The following USP47 variants were observed in gnomAD, a reference collection of about 807,000 sequenced individuals.
USP47 encodes the protein ubiquitin specific peptidase 47.
USP47 carries 35 observed loss-of-function variants against 165.1 expected under a neutral mutation model. That is an observed-to-expected ratio of 0.21 (90% CI 0.16 to 0.28). The LOEUF (loss-of-function observed/expected upper bound fraction) is 0.28. USP47 is among the 10% of genes least tolerant of loss of function. USP47 has a pLI of 1.00. For synonymous variants in USP47, 531 were observed against 544.5 expected (o/e 0.98, Z 0.35); for missense variants, 1,277 against 1,607.4 (o/e 0.79, Z 3.52).
intron 1 of USP47, among the ~76,000 whole-genome samples, chr11:11,854,256 T>A (rs1564851298): frequency 6.8e-6 from 1 of 147,306 alleles, no homozygotes; most frequent in African/African-American, 2.4e-5. Flanking sequence ...TTTGAAAAAT[T>A]CTGCTTCTTT....
chr11:11,906,227 G>T (rs1245915590), intron 8 of USP47, among the ~76,000 whole-genome samples: 1 of 152,000 alleles, frequency 6.6e-6, no homozygotes, highest in Non-Finnish European at 1.5e-5. Flanking sequence ...GAAAATAATG[G>T]AAAGACTTAA....
chr11:11,913,671 T>C (rs1853189958), intron 8 of USP47, among the ~76,000 whole-genome samples: 1 of 151,956 alleles, frequency 6.6e-6, no homozygotes, highest in African/African-American at 2.4e-5. Flanking sequence ...AAACATACAG[T>C]TAGATAGAAT....
chr11:11,925,393 G>A lies in USP47; in HGVS notation c.1386+2502G>A, dbSNP rs142691297. ...ACTGGGATTACAGGCGTGAGCCACC[G>A]CACCCGGCCTCCTTAATGTTTTATG... On this transcript the variant is annotated intron_variant, in intron 11 of 27. Transcript: ENST00000527733. Among the ~76,000 whole-genome samples the A allele has an allele frequency of 7.5e-3, 1,148 of 152,180 alleles. 18 individuals are homozygous for A. The highest frequency in any genetic ancestry group is 0.026 in the African/African-American group (1,098 of 41,542).
intron 3 of USP47, among the ~76,000 whole-genome samples, chr11:11,888,743 C>T (rs939778817): frequency 1.6e-4 from 24 of 152,084 alleles, no homozygotes; most frequent in African/African-American, 5.8e-4. Context: ...GGCAGAGATA[C>T]AACAAGAAAA....
rs7940553 is a variant in USP47 at position 11,923,048 on chromosome 11, A to G, written c.1386+157A>G. Among the ~76,000 whole-genome samples, 34 of 20,494 alleles carry G rather than the reference A, an allele frequency of 1.7e-3. 1 individual carries two copies. Among genetic ancestry groups the G allele is most frequent in the Admixed American group, 8.6e-3 (11 of 1,272 alleles). 13.4% of individuals were successfully genotyped at this position (20,494 alleles called of 152,430 possible). On this transcript the variant is annotated intron_variant, in intron 11 of 27. Transcript: ENST00000527733. ...AAATATAGTTTTTTTGTACATATAT[A>G]TATATATATATATATATATATATAT...
Position 11,929,556 on chromosome 11 carries a change from T to C in USP47, c.1509T>C (p.His503=). 1 of 1,612,958 alleles carries C rather than the reference T, an allele frequency of 6.2e-7. No individual in the cohort carries two copies. The highest frequency in any genetic ancestry group is 8.5e-7 in the Non-Finnish European group (1 of 1,179,204). The change falls in exon 12 of 28, where the codon CAT becomes CAC. Residue 503 remains histidine (H), a synonymous_variant. Coordinates refer to ENST00000527733, the MANE Select transcript of USP47 (RefSeq NM_001282659.2). ...AGTGGTACAGCTTCAATGATCAACA[T>C]GTCAGCAGGGTAAGGAGGTGTCCTT... ...DEQWYSFNDQ[H]VSRITQEDIK... is the part of the protein sequence containing the mutation.
At chr11:11,943,172 T>G in intron 20 of USP47, 60 bp downstream of exon 20, 2 of 1,527,522 alleles carry the variant, frequency 1.3e-6, no homozygotes, top group South Asian at 1.3e-5. Flanking sequence ...CTCAGTTTAT[T>G]TAAATTTTCA....
chr11:11,865,514 G>A (rs1258481539), intron 1 of USP47, among the ~76,000 whole-genome samples: 1 of 151,798 alleles, frequency 6.6e-6, no homozygotes, highest in African/African-American at 2.4e-5. Flanking sequence ...CAGGCGTTTA[G>A]TAATTGCTTG....
At position 11,933,392 on chromosome 11, in the gene USP47, G is replaced by A. The variant is rs77552733; in HGVS notation, c.1764+276G>A. On this transcript the variant is annotated intron_variant, in intron 15 of 27. Transcript: ENST00000527733. ...AAAAGAAAATAAATCCGTAAAAACT[G>A]GATAGAAATTGAGTAGTATTTATCA... is the stretch of plus-strand genomic sequence containing the variant. Among the ~76,000 whole-genome samples the A allele has an allele frequency of 3.5e-3, 527 of 152,066 alleles. 3 individuals carry two copies. The highest frequency in any genetic ancestry group is 6.8e-3 in the Middle Eastern group (2 of 294).
Position 11,942,743 on chromosome 11 carries a change from C to G in USP47, c.2722C>G (p.Gln908Glu), listed in dbSNP as rs1458932838. Residue 908 changes from glutamine to glutamate, a missense_variant, in exon 20 of 28, where the codon CAG (glutamine) becomes GAG (glutamate). Gln to Glu is a conservative substitution (Grantham distance 29, BLOSUM62 2). This residue lies in a region of USP47 where 909 missense variants were observed against 1,068.1 expected (regional missense o/e 0.85). Coordinates refer to ENST00000527733, the MANE Select transcript of USP47 (RefSeq NM_001282659.2). ...SASVDNRELE[Q>E]HIQTSDPENF... ...ATCAGTGGATAATAGAGAACTTGAA[C>G]AGCATATTCAGACTTCTGATCCAGA... 1 of 1,613,600 alleles carries G rather than the reference C, an allele frequency of 6.2e-7. No homozygotes were observed. Among genetic ancestry groups the G allele is most frequent in the Non-Finnish European group, 8.5e-7 (1 of 1,179,738 alleles).
intron 8 of USP47, among the ~76,000 whole-genome samples, chr11:11,919,387 T>G (rs1164736601): frequency 1.3e-5 from 2 of 151,954 alleles, no homozygotes; most frequent in African/African-American, 4.8e-5. Context: ...AATTTGAGAT[T>G]ATGCGTCCAA....
intron 1 of USP47, among the ~76,000 whole-genome samples, chr11:11,874,818 CA>C (rs1850286193): frequency 6.6e-6 from 1 of 152,166 alleles, no homozygotes; most frequent in African/African-American, 2.4e-5. Context: ...CTTGGCCTCC[CA>C]AAGTGCTGGG....
chr11:11,866,929 A>C (rs1299955843), intron 1 of USP47, among the ~76,000 whole-genome samples: 1 of 150,630 alleles, frequency 6.6e-6, no homozygotes, highest in Non-Finnish European at 1.5e-5. Context: ...ACGAAGTTTC[A>C]CTCTGTTGCC....
intron 1 of USP47, among the ~76,000 whole-genome samples, chr11:11,871,665 G>T (rs1456207920): frequency 6.6e-6 from 1 of 152,084 alleles, no homozygotes; most frequent in Non-Finnish European, 1.5e-5. Flanking sequence ...CTAGGGGGAT[G>T]CACTGTAGGT....
At chr11:11,844,811 G>C (rs139416494) in intron 1 of USP47, among the ~76,000 whole-genome samples, 66 of 151,968 alleles carry the variant, frequency 4.3e-4, no homozygotes, top group African/African-American at 1.5e-3. Context: ...GTGTGCGTGC[G>C]TGTGTTGGAG....
intron 21 of USP47, 82 bp downstream of exon 21, chr11:11,948,202 G>T: frequency 1.4e-6 from 2 of 1,441,248 alleles, no homozygotes; most frequent in South Asian, 1.4e-5. Context: ...TCCAAGTGAG[G>T]TGAAGTAGAT....
intron 1 of USP47, among the ~76,000 whole-genome samples, chr11:11,845,721 C>T (rs578245481): frequency 1.3e-5 from 2 of 152,144 alleles, no homozygotes; most frequent in Non-Finnish European, 2.9e-5. Flanking sequence ...ATTATCCTGT[C>T]CTTGGAGGTT....
intron 12 of USP47, 72 bp from the exon 13 acceptor site, chr11:11,929,972 T>C (rs1219789880): frequency 2.5e-6 from 3 of 1,209,166 alleles, no homozygotes; most frequent in Non-Finnish European, 3.7e-6. Context: ...AGGCTAAAGA[T>C]TGAGTTACAT....
chr11:11,929,419 A>AT lies in USP47; in HGVS notation c.1387-9dup. 1 of 1,608,764 alleles carries AT rather than the reference A, an allele frequency of 6.2e-7. No homozygotes were observed. Among genetic ancestry groups the AT allele is most frequent in the Non-Finnish European group, 8.5e-7 (1 of 1,177,680 alleles). On this transcript the variant is annotated splice_polypyrimidine_tract_variant and intron_variant, in intron 11 of 27. Coordinates refer to ENST00000527733, the MANE Select transcript of USP47 (RefSeq NM_001282659.2). ...TTTCCTTCTCCTCTGAGTTACTTTT[A>AT]TTTTTTCCCCTTAGAATTCCTTGAT...
Sources: gnomAD v4.1 joint callset for allele counts (sites outside exome capture counted in the v4.1 genomes callset) on GRCh38, gnomAD v4.1.1 for gene constraint, gnomAD v4.1.1 regional missense constraint, MANE v1.5 for transcripts, NCBI Gene and HGNC (gene_info 2026-07-23, HGNC 2026-07-21) for gene names.